PHEX: variants seen among roughly 807,000 people sequenced by gnomAD.
The protein encoded by PHEX is phosphate-regulating neutral endopeptidase PHEX.
Under a neutral mutation model 68.0 loss-of-function variants are expected in PHEX, and 16 were observed. That is an observed-to-expected ratio of 0.24 (90% CI 0.16 to 0.36). The LOEUF is 0.36. Among genes scored for constraint, PHEX ranks in the 10% least tolerant of loss-of-function variants. The pLI, the probability that PHEX is intolerant of heterozygous loss-of-function variation, is 1.00. For missense variants in PHEX, 480 were observed against 575.5 expected (o/e 0.83, Z 1.70); for synonymous variants, 208 against 205.1 (o/e 1.01, Z -0.12).
intron 20 of PHEX, among the ~76,000 whole-genome samples, chrX:22,233,130 CCTCA>C (rs1184022951): frequency 2.7e-5 from 3 of 111,680 alleles, no homozygotes; most frequent in Non-Finnish European, 5.6e-5. Flanking sequence ...GAATATTGGC[CCTCA>C]CTCTCTCCTG....
chrX:22,093,975 T>A lies in PHEX; in HGVS notation c.733-8T>A. ...TGTCATGGTCACTTTGTTCTTTATT[T>A]CTTACAGTATCGGGATGCCCTTTAC... On this transcript the variant is annotated splice_polypyrimidine_tract_variant and splice_region_variant and intron_variant, in intron 6 of 21. Coordinates refer to ENST00000379374, the MANE Select transcript of PHEX (RefSeq NM_000444.6). The A allele has an allele frequency of 9.0e-7, 1 of 1,110,349 alleles. No homozygotes were observed. Among genetic ancestry groups the A allele is most frequent in the Non-Finnish European group, 1.2e-6 (1 of 804,937 alleles). The allele number at this position is 1,110,349 out of a possible 1,213,427, so 91.5% of individuals were successfully genotyped here.
chrX:22,217,096 G>A (rs1056676459), intron 16 of PHEX, among the ~76,000 whole-genome samples: 3 of 111,450 alleles, frequency 2.7e-5, no homozygotes, highest in African/African-American at 9.8e-5. Flanking sequence ...CATTGTTCAT[G>A]CCTTCAATTC....
intron 11 of PHEX, among the ~76,000 whole-genome samples, chrX:22,121,752 A>G (rs747066519): frequency 8.9e-6 from 1 of 111,971 alleles, no homozygotes; most frequent in African/African-American, 3.2e-5. Context: ...CAGCTATTCT[A>G]TTTCTCTTTA....
chrX:22,179,313 TA>T (rs1277033561), intron 14 of PHEX, among the ~76,000 whole-genome samples: 2 of 111,556 alleles, frequency 1.8e-5, no homozygotes, highest in African/African-American at 6.5e-5. Flanking sequence ...ATTGTATTAT[TA>T]TTTTTTTAAC....
intron 7 of PHEX, among the ~76,000 whole-genome samples, chrX:22,095,367 G>A (rs919011936): frequency 1.8e-5 from 2 of 112,143 alleles, no homozygotes; most frequent in African/African-American, 6.5e-5. Flanking sequence ...AAACAGCAGG[G>A]AAGGCCTTGC....
intron 20 of PHEX, among the ~76,000 whole-genome samples, chrX:22,242,110 A>G (rs191920311): frequency 8.9e-6 from 1 of 112,093 alleles, no homozygotes; most frequent in East Asian, 2.8e-4. Flanking sequence ...CTGGGATGCA[A>G]GGCTGGTTCA....
At chrX:22,206,210 AT>A (rs1934707573) in intron 15 of PHEX, among the ~76,000 whole-genome samples, 1 of 112,061 alleles carries the variant, frequency 8.9e-6, no homozygotes, top group African/African-American at 3.2e-5. Context: ...CTGGTACTGA[AT>A]GTGGAAAATT....
chrX:22,034,373 G>A (rs1022094814), intron 1 of PHEX, among the ~76,000 whole-genome samples: 3 of 112,032 alleles, frequency 2.7e-5, no homozygotes, highest in African/African-American at 9.7e-5. Flanking sequence ...TCTTTTTAAC[G>A]ATATTACCAC....
chrX:22,060,022 G>A (rs1928289538), intron 3 of PHEX, among the ~76,000 whole-genome samples: 1 of 110,348 alleles, frequency 9.1e-6, no homozygotes, highest in East Asian at 2.8e-4. Context: ...GGGCCTGGCA[G>A]TGTACATCTG....
chrX:22,115,310 G>A (rs888169897), intron 11 of PHEX, among the ~76,000 whole-genome samples: 47 of 112,146 alleles, frequency 4.2e-4, no homozygotes, highest in African/African-American at 1.3e-3. Context: ...CAGCCAAGGC[G>A]ACAGAGCGAG....
At chrX:22,203,092 T>C (rs1445643693) in intron 15 of PHEX, among the ~76,000 whole-genome samples, 2 of 111,236 alleles carry the variant, frequency 1.8e-5, no homozygotes, top group East Asian at 2.8e-4. Context: ...GGTGACTAAC[T>C]TCTCCTGGTT....
chrX:22,218,944 A>G (rs1373553377), intron 16 of PHEX, 92 bp from the exon 17 acceptor site: 1 of 612,239 alleles, frequency 1.6e-6, no homozygotes, highest in African/African-American at 2.2e-5. Flanking sequence ...ACTAGAAAGC[A>G]GTTTATCTTG....
chrX:22,104,260 G>C (rs1930567070), intron 9 of PHEX, among the ~76,000 whole-genome samples: 1 of 111,243 alleles, frequency 9.0e-6, no homozygotes, highest in Non-Finnish European at 1.9e-5. Flanking sequence ...GTGGCTGTGG[G>C]GACAGTGGCA....
intron 20 of PHEX, among the ~76,000 whole-genome samples, chrX:22,239,048 G>T (rs1464079411): frequency 8.9e-6 from 1 of 112,120 alleles, no homozygotes; most frequent in Non-Finnish European, 1.9e-5. Flanking sequence ...AGCAATCTTT[G>T]CTCTTCTGTG....
rs750344488 is a variant in PHEX, at chrX:22,090,541, G to T, written c.732+44G>T. On this transcript the variant is annotated intron_variant, in intron 6 of 21. Coordinates refer to ENST00000379374, the MANE Select transcript of PHEX (RefSeq NM_000444.6). ...CAACTATGTGCCTTACCAGGCTGCTGTCAGGCCCATTAGTTCTAAGGCCGC... is the reference window on the plus strand; with the variant it reads ...CAACTATGTGCCTTACCAGGCTGCTTTCAGGCCCATTAGTTCTAAGGCCGC... 11 of 951,649 alleles carry T rather than the reference G, an allele frequency of 1.2e-5. No homozygotes were observed. In the African/African-American group the frequency reaches 1.5e-4, roughly 13 times the overall value. 78.4% of individuals were successfully genotyped at this position (951,649 alleles called of 1,213,427 possible).
chrX:22,226,948 A>ATAAT (rs1160999836), intron 19 of PHEX, among the ~76,000 whole-genome samples: 1 of 111,736 alleles, frequency 8.9e-6, no homozygotes, highest in Non-Finnish European at 1.9e-5. Flanking sequence ...GTGATAGTTC[A>ATAAT]TAATAACGTT....
At chrX:22,222,747 T>C (rs947488570) in intron 18 of PHEX, among the ~76,000 whole-genome samples, 2 of 111,927 alleles carry the variant, frequency 1.8e-5, no homozygotes. Flanking sequence ...ATGAAACTTT[T>C]CACTTAATTG....
chrX:22,228,168 C>T (rs1357967404), intron 20 of PHEX, among the ~76,000 whole-genome samples: 1 of 112,012 alleles, frequency 8.9e-6, no homozygotes, highest in Admixed American at 9.5e-5. Flanking sequence ...AAGATGTACA[C>T]GAAATAAAGC....
At chrX:22,046,125 A>C (rs983234887) in intron 2 of PHEX, among the ~76,000 whole-genome samples, 3 of 111,701 alleles carry the variant, frequency 2.7e-5, no homozygotes, top group Non-Finnish European at 5.6e-5. Flanking sequence ...CTGGACTGGA[A>C]GGCGAATGAT....
Sources: allele counts gnomAD v4.1 joint callset (sites outside exome capture counted in the v4.1 genomes callset), GRCh38; gene constraint gnomAD v4.1.1; transcripts MANE v1.5; gene names NCBI Gene and HGNC (gene_info 2026-07-23, HGNC 2026-07-21).